RNF157: variants seen among roughly 807,000 people sequenced by gnomAD.
The protein encoded by RNF157 is E3 ubiquitin ligase RNF157.
In RNF157, 55 loss-of-function variants were observed where a neutral mutation model predicts 88.3. That is an observed-to-expected ratio of 0.62 (90% confidence interval 0.50 to 0.78). The LOEUF is 0.78. Ranked by LOEUF, RNF157 falls within the 30% of genes least tolerant of loss-of-function variation. The pLI is 0.00. For synonymous variants in RNF157, 334 were observed against 341.2 expected, an observed-to-expected ratio of 0.98 and a Z score of 0.23; for missense variants, 788 against 860.8, an observed-to-expected ratio of 0.92 and a Z score of 1.06.
At chr17:76,210,134 A>T (rs75522588) in intron 2 of RNF157, among the ~76,000 whole-genome samples, 138 of 152,338 alleles carry the variant, frequency 9.1e-4, no homozygotes, top group African/African-American at 3.2e-3. Context: ...TCAGAAAAAA[A>T]GAAAGATCTG....
At chr17:76,180,108 A>ACTC (rs1217870768) in intron 2 of RNF157, among the ~76,000 whole-genome samples, 1 of 152,188 alleles carries the variant, frequency 6.6e-6, no homozygotes, top group Admixed American at 6.5e-5. Context: ...GGAGACTGAG[A>ACTC]AGCTTTCTGA....
In RNF157 at chr17:76,165,658, G is replaced by A. The variant is rs2068911444; in HGVS notation, c.629-113C>T. On this transcript the variant is annotated intron_variant, in intron 6 of 18. Coordinates refer to ENST00000269391, the MANE Select transcript of RNF157 (RefSeq NM_052916.3). ...AACCAAATGTGCCAGTCTGTCTCTA[G>A]AAGGGGCACGTTATATAACCCATAC... 2.1e-5 allele frequency: 23 copies of A among 1,101,338 alleles called. No individual in the cohort carries two copies. The South Asian group carries it at 2.9e-4, about 14-fold the overall frequency. 68.2% of individuals were successfully genotyped at this position (1,101,338 alleles called of 1,614,324 possible). A position where few individuals can be genotyped will look rare whatever the true frequency, so the allele number is the denominator to read the frequency against.
At position 76,194,502 on chromosome 17, in the gene RNF157, G is replaced by A. The variant is rs115586995; in HGVS notation, c.207+17862C>T. On this transcript the variant is annotated intron_variant, in intron 2 of 18. Transcript: ENST00000269391. Reference sequence around the variant, plus strand: ...GCTGAAAGACCCCCGAAAGCAGGACGCTTCTTAGTGGGCTGTGAAGTGGAT... The same window carrying A: ...GCTGAAAGACCCCCGAAAGCAGGACACTTCTTAGTGGGCTGTGAAGTGGAT... 1.4e-3 allele frequency among the ~76,000 whole-genome samples: 215 copies of A among 152,272 alleles called. 1 individual carries two copies. Among genetic ancestry groups the A allele is most frequent in the African/African-American group, 5.1e-3 (211 of 41,556 alleles).
Position 76,226,619 on chromosome 17 carries a change from G to T in RNF157, c.88+13534C>A, listed in dbSNP as rs148327378. On this transcript the variant is annotated intron_variant, in intron 1 of 18. Transcript: ENST00000269391. ...GGAGGGACTGACCAACCCATCCACA[G>T]TCAGCCATTCGGAGGAGCCCGCCTT... is the stretch of plus-strand genomic sequence containing the variant. 101 of 1,613,350 alleles carry T rather than the reference G, an allele frequency of 6.3e-5. 1 individual carries two copies. In the East Asian group the frequency reaches 2.2e-3, roughly 36 times the overall value.
rs577689964 is a variant in RNF157, at chr17:76,211,117, C to T, written c.207+1247G>A. Among the ~76,000 whole-genome samples, 5 of 152,290 alleles carry T rather than the reference C, an allele frequency of 3.3e-5. 1 individual carries two copies. The highest frequency in any genetic ancestry group is 4.1e-4 in the South Asian group (2 of 4,822). On this transcript the variant is annotated intron_variant, in intron 2 of 18. Transcript: ENST00000269391. Reference sequence around the variant, plus strand: ...ACTGTGCCTGGCCCACCTTTCCAATCGGGCCAGACTGGTTTCCTTATTTGT... The same window carrying T: ...ACTGTGCCTGGCCCACCTTTCCAATTGGGCCAGACTGGTTTCCTTATTTGT...
chr17:76,225,014 A>G (rs1158213034), intron 1 of RNF157, among the ~76,000 whole-genome samples: 1 of 152,034 alleles, frequency 6.6e-6, no homozygotes, highest in Non-Finnish European at 1.5e-5. Context: ...TCTACCAAAA[A>G]CACAAAAATT....
chr17:76,183,540 C>T (rs574629068), intron 2 of RNF157, among the ~76,000 whole-genome samples: 10 of 152,120 alleles, frequency 6.6e-5, no homozygotes, highest in Non-Finnish European at 1.3e-4. Context: ...TAGTGCACTA[C>T]AGCCTTGAAC....
chr17:76,164,554 G>A (rs777462691), intron 8 of RNF157, 194 bp downstream of exon 8: 36 of 409,348 alleles, frequency 8.8e-5, no homozygotes, highest in East Asian at 3.7e-4. Flanking sequence ...CACCCAAGTC[G>A]TTTGTAATAG....
At chr17:76,156,426 C>A in intron 13 of RNF157, 105 bp from the exon 14 acceptor site, 1 of 1,541,832 alleles carries the variant, frequency 6.5e-7, no homozygotes, top group South Asian at 1.2e-5. Context: ...GGAGGAAAGG[C>A]GACACTGGGA....
intron 2 of RNF157, among the ~76,000 whole-genome samples, chr17:76,205,118 TTCC>T (rs1473084478): frequency 6.6e-6 from 1 of 151,084 alleles, no homozygotes; most frequent in African/African-American, 2.4e-5. Context: ...GTTCCCTCCC[TTCC>T]TCTTTTCTTT....
intron 2 of RNF157, among the ~76,000 whole-genome samples, chr17:76,211,060 C>T (rs1381058939): frequency 6.6e-6 from 1 of 152,230 alleles, no homozygotes; most frequent in African/African-American, 2.4e-5. Context: ...CCACCTCGGC[C>T]TCCCAAAGTG....
intron 17 of RNF157, 117 bp from the exon 18 acceptor site, chr17:76,152,582 A>G: frequency 1.4e-6 from 1 of 693,740 alleles, no homozygotes; most frequent in Non-Finnish European, 2.6e-6. Context: ...ATGTTAAAAA[A>G]AAGACAATAA....
intron 17 of RNF157, among the ~76,000 whole-genome samples, chr17:76,152,852 C>T (rs2068702353): frequency 6.6e-6 from 1 of 152,238 alleles, no homozygotes; most frequent in Non-Finnish European, 1.5e-5. Flanking sequence ...CTCATGCCTG[C>T]ATCTGCCTTG....
At position 76,144,647 on chromosome 17, in the gene RNF157, A is replaced by C. The variant is rs760814766; in HGVS notation, c.*588T>G. ...ACCGCACAGGCATGTGAGGCCCAGA[A>C]GACTGGCTCTGCCACCAGAAGGAAG... is the stretch of plus-strand genomic sequence containing the variant. On this transcript the variant is annotated 3_prime_UTR_variant, in exon 19 of 19. Transcript: ENST00000269391. The C allele has an allele frequency of 6.6e-6, 1 of 152,274 alleles. No individual in the cohort carries two copies. Among genetic ancestry groups the C allele is most frequent in the Non-Finnish European group, 1.5e-5 (1 of 68,072 alleles). 9.4% of individuals were successfully genotyped at this position (152,274 alleles called of 1,614,324 possible). A position where few individuals can be genotyped will look rare whatever the true frequency, so the allele number is the denominator to read the frequency against.
chr17:76,159,252 C>T (rs2068811399), intron 12 of RNF157, 83 bp downstream of exon 12: 1 of 1,248,504 alleles, frequency 8.0e-7, no homozygotes. Flanking sequence ...CCTAAGTCCC[C>T]AGGATGTGGG....
chr17:76,145,485 C>G (rs895673336), intron 18 of RNF157, 132 bp from the exon 19 acceptor site: 2 of 630,112 alleles, frequency 3.2e-6, no homozygotes, highest in East Asian at 5.5e-5. Flanking sequence ...GATGACGGTG[C>G]GAGCCACAGC....
chr17:76,173,933 C>G, intron 2 of RNF157, 143 bp from the exon 3 acceptor site: 3 of 692,580 alleles, frequency 4.3e-6, no homozygotes, highest in Admixed American at 5.6e-5. Context: ...ACTGAAACTC[C>G]GACATACTGA....
At chr17:76,230,434 G>A (rs535387805) in intron 1 of RNF157, among the ~76,000 whole-genome samples, 3 of 152,272 alleles carry the variant, frequency 2.0e-5, no homozygotes, top group Admixed American at 2.0e-4. Flanking sequence ...AAAGCATCCT[G>A]AGTCAAGACC....
chr17:76,177,529 G>A (rs1042918945), intron 2 of RNF157, among the ~76,000 whole-genome samples: 2 of 151,894 alleles, frequency 1.3e-5, no homozygotes, highest in Non-Finnish European at 2.9e-5. Flanking sequence ...GAAGGGGAAG[G>A]GGGAGAGGCG....
Sources: allele counts gnomAD v4.1 joint callset (sites outside exome capture counted in the v4.1 genomes callset), GRCh38; gene constraint gnomAD v4.1.1; transcripts MANE v1.5; gene names NCBI Gene and HGNC (gene_info 2026-07-23, HGNC 2026-07-21).